SGCZ: variants seen among roughly 807,000 people sequenced by gnomAD.
SGCZ encodes zeta-sarcoglycan.
Under a neutral mutation model 41.3 loss-of-function variants are expected in SGCZ, and 40 were observed. That is an observed-to-expected ratio of 0.97 (90% CI 0.75 to 1.26). SGCZ has a LOEUF of 1.26. Among genes scored for constraint, SGCZ ranks in the 50% most tolerant of loss-of-function variants. The pLI, the probability that SGCZ is intolerant of heterozygous loss-of-function variation, is 0.00. For synonymous variants in SGCZ, 206 were observed against 137.5 expected (o/e 1.50, Z -3.49); for missense variants, 552 against 369.8 (o/e 1.49, Z -4.04).
At chr8:15,014,132 C>T (rs1015700358) in intron 1 of SGCZ, among the ~76,000 whole-genome samples, 5 of 152,202 alleles carry the variant, frequency 3.3e-5, no homozygotes, top group Admixed American at 6.5e-5. Context: ...TGAGTGATCT[C>T]ATGAAACCCT....
chr8:14,375,978 T>G (rs1294529276), intron 2 of SGCZ, among the ~76,000 whole-genome samples: 1 of 152,098 alleles, frequency 6.6e-6, no homozygotes, highest in Non-Finnish European at 1.5e-5. Context: ...TGTATTCAGG[T>G]GAGAAAAAAG....
At chr8:15,097,550 G>A (rs1055749115) in intron 1 of SGCZ, among the ~76,000 whole-genome samples, 3 of 151,546 alleles carry the variant, frequency 2.0e-5, no homozygotes, top group South Asian at 2.1e-4. Context: ...AGGAGTTTGA[G>A]ACAAGCTTGC....
chr8:15,031,155 C>CAT (rs768739564), intron 1 of SGCZ, among the ~76,000 whole-genome samples: 80 of 152,016 alleles, frequency 5.3e-4, no homozygotes, highest in Admixed American at 1.0e-3. Context: ...TTATTTTAAA[C>CAT]AGGATGCTAT....
rs117898763 is a variant in SGCZ at position 15,121,585 on chromosome 8, T to C, written c.39+116000A>G. On this transcript the variant is annotated intron_variant, in intron 1 of 7. Coordinates refer to ENST00000382080, the MANE Select transcript of SGCZ (RefSeq NM_139167.4). Reference sequence around the variant, plus strand: ...GCATGAAAGAGCTAATGAATGATTCTATGCATATATAACAATATGGGAATT... The same window carrying C: ...GCATGAAAGAGCTAATGAATGATTCCATGCATATATAACAATATGGGAATT... 8.4e-4 allele frequency among the ~76,000 whole-genome samples: 128 copies of C among 152,290 alleles called. 1 individual carries two copies. The highest frequency in any genetic ancestry group is 5.2e-3 in the East Asian group (27 of 5,166).
At chr8:14,117,440 G>GTGTC (rs1802558701) in intron 5 of SGCZ, among the ~76,000 whole-genome samples, 1 of 142,962 alleles carries the variant, frequency 7.0e-6, no homozygotes. Flanking sequence ...GTGTGTGTGT[G>GTGTC]TGAATGCAGA....
chr8:14,359,123 C>CTATAG (rs1563278339), intron 2 of SGCZ, among the ~76,000 whole-genome samples: 1 of 151,704 alleles, frequency 6.6e-6, no homozygotes, highest in East Asian at 1.9e-4. Flanking sequence ...CCTAGAGAAA[C>CTATAG]AAAGTACAAG....
chr8:14,719,003 C>G (rs1338262426), intron 1 of SGCZ, among the ~76,000 whole-genome samples: 2 of 107,316 alleles, frequency 1.9e-5, no homozygotes, highest in African/African-American at 6.9e-5. Context: ...TCCCTCCCCC[C>G]TCCCCCCACC....
intron 1 of SGCZ, among the ~76,000 whole-genome samples, chr8:14,769,472 T>A (rs1178583271): frequency 6.6e-6 from 1 of 152,120 alleles, no homozygotes; most frequent in Non-Finnish European, 1.5e-5. Flanking sequence ...TCAGTGCTCA[T>A]AAAAGGAAGG....
At chr8:14,300,102 T>A (rs539933789) in intron 3 of SGCZ, among the ~76,000 whole-genome samples, 1 of 152,084 alleles carries the variant, frequency 6.6e-6, no homozygotes, top group East Asian at 1.9e-4. Context: ...CTGCCTGAAG[T>A]GGGCTTTAGG....
At chr8:14,885,984 GTT>G (rs1491533161) in intron 1 of SGCZ, among the ~76,000 whole-genome samples, 35 of 58,390 alleles carry the variant, frequency 6.0e-4, no homozygotes, top group African/African-American at 2.2e-3. Flanking sequence ...AGGACTTTAT[GTT>G]ATATATATAT....
intron 5 of SGCZ, among the ~76,000 whole-genome samples, chr8:14,116,355 C>G (rs1473554922): frequency 2.0e-5 from 3 of 152,076 alleles, no homozygotes; most frequent in Non-Finnish European, 2.9e-5. Context: ...CTTCTTACCT[C>G]AAGATATCTA....
At chr8:14,807,693 C>G (rs1801589478) in intron 1 of SGCZ, among the ~76,000 whole-genome samples, 2 of 151,206 alleles carry the variant, frequency 1.3e-5, no homozygotes, top group South Asian at 2.1e-4. Context: ...CCCCATCAAG[C>G]TACCAATGCC....
chr8:14,560,780 AT>A (rs1483228148), intron 1 of SGCZ, among the ~76,000 whole-genome samples: 1 of 152,108 alleles, frequency 6.6e-6, no homozygotes, highest in Non-Finnish European at 1.5e-5. Context: ...AGCAACAGAG[AT>A]TTGGTAACTA....
chr8:14,525,117 T>C (rs571340210), intron 2 of SGCZ, among the ~76,000 whole-genome samples: 2 of 151,514 alleles, frequency 1.3e-5, no homozygotes, highest in African/African-American at 4.8e-5. Context: ...AGATGATAGA[T>C]AGATAGATAC....
intron 1 of SGCZ, among the ~76,000 whole-genome samples, chr8:15,002,117 A>G (rs968163759): frequency 6.6e-6 from 1 of 152,162 alleles, no homozygotes; most frequent in African/African-American, 2.4e-5. Flanking sequence ...AGTAAGACAC[A>G]TAGAGATGTA....
intron 1 of SGCZ, among the ~76,000 whole-genome samples, chr8:14,939,125 C>A (rs1270881994): frequency 6.6e-6 from 1 of 152,090 alleles, no homozygotes; most frequent in African/African-American, 2.4e-5. Flanking sequence ...TTCCAGGATT[C>A]CTGATGATTT....
intron 1 of SGCZ, among the ~76,000 whole-genome samples, chr8:15,222,426 G>C (rs1387605188): frequency 6.6e-6 from 1 of 151,636 alleles, no homozygotes; most frequent in Non-Finnish European, 1.5e-5. Context: ...TTCTGTCATG[G>C]AAAATATTCC....
At chr8:14,324,225 T>C in intron 2 of SGCZ, 21 bp from the exon 3 acceptor site, 2 of 1,567,512 alleles carry the variant, frequency 1.3e-6, no homozygotes, top group Non-Finnish European at 1.8e-6. Flanking sequence ...TGAAATATAG[T>C]TCACTTTTAG....
At chr8:14,248,578 T>C (rs975605255) in intron 3 of SGCZ, among the ~76,000 whole-genome samples, 1 of 152,146 alleles carries the variant, frequency 6.6e-6, no homozygotes, top group African/African-American at 2.4e-5. Context: ...AAGGACATCA[T>C]ATTTAAATAA....
Sources: allele counts gnomAD v4.1 joint callset (sites outside exome capture counted in the v4.1 genomes callset), GRCh38; gene constraint gnomAD v4.1.1; transcripts MANE v1.5; gene names NCBI Gene and HGNC (gene_info 2026-07-23, HGNC 2026-07-21).